Variants in OLFM3 observed in about 807,000 individuals in gnomAD.
OLFM3 encodes noelin-3.
OLFM3 carries 20 observed loss-of-function variants against 48.6 expected under a neutral mutation model. The observed-to-expected ratio is 0.41, with a 90% confidence interval of 0.29 to 0.60. The LOEUF is 0.60. OLFM3 is among the 20% of genes least tolerant of loss of function. The pLI, the probability that OLFM3 is intolerant of heterozygous loss-of-function variation, is 0.28. For missense variants in OLFM3, 437 were observed against 544.3 expected (o/e 0.80, Z 1.96); for synonymous variants, 222 against 198.1 (o/e 1.12, Z -1.01).
At chr1:101,821,134 G>GAT (rs1654589249) in intron 4 of OLFM3, among the ~76,000 whole-genome samples, 1 of 152,002 alleles carries the variant, frequency 6.6e-6, no homozygotes, top group African/African-American at 2.4e-5. Flanking sequence ...TATGCATTCT[G>GAT]ATATATGGAT....
At chr1:101,813,077 CA>C in intron 4 of OLFM3, 1 of 1,281,478 alleles carries the variant, frequency 7.8e-7, no homozygotes, top group South Asian at 1.3e-5. Flanking sequence ...TATAGCTTCC[CA>C]AAATACTATT....
At chr1:101,842,942 C>T (rs1655800303) in intron 1 of OLFM3, among the ~76,000 whole-genome samples, 1 of 152,122 alleles carries the variant, frequency 6.6e-6, no homozygotes, top group African/African-American at 2.4e-5. Context: ...ACCTGGCTTC[C>T]CTCCTTAATT....
intron 3 of OLFM3, among the ~76,000 whole-genome samples, chr1:101,828,982 C>G (rs1053977713): frequency 6.6e-6 from 1 of 152,156 alleles, no homozygotes; most frequent in Non-Finnish European, 1.5e-5. Context: ...ACGAAACCAG[C>G]TCTTCTCCTG....
intron 2 of OLFM3, among the ~76,000 whole-genome samples, chr1:101,834,106 T>C (rs911072928): frequency 6.6e-6 from 1 of 152,208 alleles, no homozygotes; most frequent in African/African-American, 2.4e-5. Flanking sequence ...TATTCAATAA[T>C]ATAAATACCT....
At chr1:101,838,835 A>C (rs370402532) in intron 1 of OLFM3, among the ~76,000 whole-genome samples, 159 of 152,332 alleles carry the variant, frequency 1.0e-3, no homozygotes, top group African/African-American at 3.7e-3. Context: ...CTTTCTCCAC[A>C]GATTTACCAT....
At chr1:101,925,095 A>G (rs374560640) in intron 1 of OLFM3, among the ~76,000 whole-genome samples, 15 of 152,306 alleles carry the variant, frequency 9.8e-5, no homozygotes, top group African/African-American at 3.6e-4. Context: ...AGGAAGAGAC[A>G]GAGAATAAGA....
chr1:101,840,240 G>A (rs910637765), intron 1 of OLFM3, among the ~76,000 whole-genome samples: 5 of 152,164 alleles, frequency 3.3e-5, no homozygotes, highest in Admixed American at 2.0e-4. Context: ...CATTAATGGA[G>A]TTCTATTCAT....
rs539745860 is a variant in OLFM3 at position 101,843,924 on chromosome 1, G to A, written c.70-6899C>T. ...CATTCAGATTTCAAGACCTGCGTGT[G>A]CGTGTGCGTGTGGTATATTGCAAAC... On this transcript the variant is annotated intron_variant, in intron 1 of 5. Transcript: ENST00000370103. 5.9e-5 allele frequency among the ~76,000 whole-genome samples: 9 copies of A among 152,090 alleles called. No homozygotes were observed. In the South Asian group the frequency reaches 1.9e-3, roughly 32 times the overall value.
At chr1:101,805,340 A>T (rs543450628) in intron 5 of OLFM3, among the ~76,000 whole-genome samples, 7 of 151,968 alleles carry the variant, frequency 4.6e-5, no homozygotes, top group Admixed American at 1.3e-4. Context: ...AGTTTTTCGT[A>T]TTCAATTGAA....
intron 1 of OLFM3, among the ~76,000 whole-genome samples, chr1:101,972,053 C>T (rs779689953): frequency 6.6e-6 from 1 of 151,928 alleles, no homozygotes; most frequent in African/African-American, 2.4e-5. Context: ...TAAATCAGAT[C>T]TTTTCACCTT....
rs1264986351 is a variant in OLFM3, at chr1:101,850,721, T to C, written c.70-13696A>G. Among the ~76,000 whole-genome samples, 4 of 152,142 alleles carry C rather than the reference T, an allele frequency of 2.6e-5. 1 individual carries two copies. The highest frequency in any genetic ancestry group is 5.9e-5 in the Non-Finnish European group (4 of 68,026). Reference sequence around the variant, plus strand: ...TAATTGTGACCTAAAAGTTTGACTTTAGGTAAAATGAGAAGAGACTTAGAT... The same window carrying C: ...TAATTGTGACCTAAAAGTTTGACTTCAGGTAAAATGAGAAGAGACTTAGAT... On this transcript the variant is annotated intron_variant, in intron 1 of 5. Coordinates refer to ENST00000370103, the MANE Select transcript of OLFM3 (RefSeq NM_058170.4).
intron 1 of OLFM3, among the ~76,000 whole-genome samples, chr1:101,970,103 C>T (rs1244453409): frequency 6.6e-6 from 1 of 151,894 alleles, no homozygotes; most frequent in Non-Finnish European, 1.5e-5. Flanking sequence ...GCAACCTCCA[C>T]CTTCTGGGCT....
intron 1 of OLFM3, among the ~76,000 whole-genome samples, chr1:101,973,955 G>A (rs537510960): frequency 1.3e-5 from 2 of 151,748 alleles, no homozygotes; most frequent in Admixed American, 6.6e-5. Flanking sequence ...ATATAGCTTA[G>A]ACCATCCACC....
chr1:101,991,637 T>C (rs1661415386), intron 1 of OLFM3, among the ~76,000 whole-genome samples: 1 of 151,612 alleles, frequency 6.6e-6, no homozygotes. Context: ...AAACAAGTTT[T>C]TACTTTACAT....
chr1:101,811,400 G>A (rs1477244477), intron 4 of OLFM3, among the ~76,000 whole-genome samples: 1 of 151,976 alleles, frequency 6.6e-6, no homozygotes, highest in East Asian at 1.9e-4. Flanking sequence ...GAGTGAACAG[G>A]CAACCTACAG....
At chr1:101,828,946 A>G (rs933788204) in intron 3 of OLFM3, among the ~76,000 whole-genome samples, 3 of 152,170 alleles carry the variant, frequency 2.0e-5, no homozygotes, top group Non-Finnish European at 4.4e-5. Flanking sequence ...CCTATAATTT[A>G]ATAGTGGAGG....
At chr1:101,854,496 G>A (rs1426757351) in intron 1 of OLFM3, among the ~76,000 whole-genome samples, 1 of 152,004 alleles carries the variant, frequency 6.6e-6, no homozygotes, top group Non-Finnish European at 1.5e-5. Flanking sequence ...AAATGGATGT[G>A]TGGGAGAGAA....
intron 1 of OLFM3, among the ~76,000 whole-genome samples, chr1:101,858,480 A>G (rs1656517167): frequency 6.6e-6 from 1 of 151,988 alleles, no homozygotes; most frequent in South Asian, 2.1e-4. Context: ...TTTCAATATA[A>G]TGGGACCCAT....
At chr1:101,938,200 A>G (rs1426462237) in intron 1 of OLFM3, among the ~76,000 whole-genome samples, 1 of 152,216 alleles carries the variant, frequency 6.6e-6, no homozygotes, top group East Asian at 1.9e-4. Flanking sequence ...TATAATTCCT[A>G]AACAAATAGG....
Sources: gnomAD v4.1 joint callset for allele counts (sites outside exome capture counted in the v4.1 genomes callset) on GRCh38, gnomAD v4.1.1 for gene constraint, MANE v1.5 for transcripts, NCBI Gene and HGNC (gene_info 2026-07-23, HGNC 2026-07-21) for gene names.